The following EYS variants were observed in gnomAD, a reference collection of about 807,000 sequenced individuals.
EYS encodes the protein protein eyes shut homolog.
Under a neutral mutation model 282.1 loss-of-function variants are expected in EYS, and 250 were observed. The ratio of observed to expected loss-of-function variants is 0.89; its 90% CI spans 0.80 to 0.98. The LOEUF (loss-of-function observed/expected upper bound fraction) is 0.98, where lower values mean the gene tolerates loss of function less well. EYS is among the 50% of genes least tolerant of loss of function. The pLI is 0.00. For missense variants in EYS, 4,016 were observed against 3,709.0 expected (o/e 1.08, Z -2.15); for synonymous variants, 1,355 against 1,282.9 (o/e 1.06, Z -1.20).
intron 12 of EYS, among the ~76,000 whole-genome samples, chr6:65,098,854 A>G (rs1270233024): frequency 1.3e-5 from 2 of 150,796 alleles, no homozygotes; most frequent in African/African-American, 4.8e-5. Context: ...TCCTATAAAC[A>G]AAAGGAAGCT....
At chr6:64,993,993 C>A (rs1488913169) in intron 14 of EYS, among the ~76,000 whole-genome samples, 3 of 150,572 alleles carry the variant, frequency 2.0e-5, no homozygotes, top group Admixed American at 6.6e-5. Flanking sequence ...CTGCTGTTAT[C>A]AAAAATAAGC....
chr6:64,455,211 C>A (rs1384729037), intron 26 of EYS, among the ~76,000 whole-genome samples: 3 of 152,022 alleles, frequency 2.0e-5, no homozygotes, highest in Non-Finnish European at 4.4e-5. Flanking sequence ...CCACCACACC[C>A]AAACACGTTT....
chr6:64,420,695 AC>A (rs1375032594), intron 28 of EYS, among the ~76,000 whole-genome samples: 1 of 152,010 alleles, frequency 6.6e-6, no homozygotes, highest in African/African-American at 2.4e-5. Context: ...TCTGCCAGAT[AC>A]CCTAAATCAT....
chr6:65,184,790 T>C (rs1765477248), intron 12 of EYS, among the ~76,000 whole-genome samples: 1 of 151,668 alleles, frequency 6.6e-6, no homozygotes, highest in Non-Finnish European at 1.5e-5. Context: ...GCTTCACAAA[T>C]ATAAAACCTC....
chr6:65,387,110 ATCTT>A (rs1470541113), intron 7 of EYS, among the ~76,000 whole-genome samples: 6 of 152,004 alleles, frequency 3.9e-5, no homozygotes, highest in Non-Finnish European at 7.4e-5. Context: ...TGATTTAAAT[ATCTT>A]TCTATTATTA....
intron 2 of EYS, among the ~76,000 whole-genome samples, chr6:65,615,162 T>A (rs2149797229): frequency 6.6e-6 from 1 of 152,260 alleles, no homozygotes; most frequent in Admixed American, 6.5e-5. Context: ...TTTAAAATAC[T>A]TTGCAAATTA....
intron 28 of EYS, among the ~76,000 whole-genome samples, chr6:64,410,523 T>C (rs143935455): frequency 2.0e-5 from 3 of 152,140 alleles, no homozygotes; most frequent in Admixed American, 1.3e-4. Flanking sequence ...ACAATCTTAG[T>C]TGGATTTAAA....
intron 35 of EYS, among the ~76,000 whole-genome samples, chr6:63,923,504 C>T (rs1764629791): frequency 6.6e-6 from 1 of 151,974 alleles, no homozygotes; most frequent in African/African-American, 2.4e-5. Flanking sequence ...CCTACTTAAG[C>T]CTTTGATACT....
At chr6:65,368,165 C>G (rs542416945) in intron 8 of EYS, among the ~76,000 whole-genome samples, 5 of 151,698 alleles carry the variant, frequency 3.3e-5, no homozygotes, top group Non-Finnish European at 5.9e-5. Flanking sequence ...ATCAGAAGAA[C>G]AGCAGCATGG....
At chr6:64,250,356 T>C (rs577739257) in intron 30 of EYS, among the ~76,000 whole-genome samples, 1 of 152,284 alleles carries the variant, frequency 6.6e-6, no homozygotes, top group South Asian at 2.1e-4. Context: ...AATACCATTT[T>C]TCACCTGGGG....
At position 64,401,341 on chromosome 6, in the gene EYS, T is replaced by C. The variant is rs140607742; in HGVS notation, c.5928-12501A>G. Among the ~76,000 whole-genome samples, 408 of 152,250 alleles carry C rather than the reference T, an allele frequency of 2.7e-3. 3 individuals carry two copies. Among genetic ancestry groups the C allele is most frequent in the Middle Eastern group, 0.024 (7 of 294 alleles). On this transcript the variant is annotated intron_variant, in intron 28 of 42. Coordinates refer to ENST00000503581, the MANE Select transcript of EYS (RefSeq NM_001142800.2). ...TATAAAACCTGAGTATGTGTGTATC[T>C]ACTTTGTTGTTTATCACATTTGCAT... is the stretch of plus-strand genomic sequence containing the variant.
At chr6:64,030,665 T>C (rs530452839) in intron 33 of EYS, among the ~76,000 whole-genome samples, 1 of 152,328 alleles carries the variant, frequency 6.6e-6, no homozygotes, top group South Asian at 2.1e-4. Flanking sequence ...GCTTCTCCCT[T>C]TTCTAGGTCC....
intron 7 of EYS, among the ~76,000 whole-genome samples, chr6:65,386,408 T>TA (rs1455124682): frequency 6.6e-6 from 1 of 150,926 alleles, no homozygotes; most frequent in African/African-American, 2.4e-5. Context: ...ACTTTAAAGT[T>TA]TTTTTTTTCA....
chr6:65,664,657 C>G (rs1397899795), intron 1 of EYS, among the ~76,000 whole-genome samples: 1 of 152,050 alleles, frequency 6.6e-6, no homozygotes, highest in Non-Finnish European at 1.5e-5. Context: ...TGAAATTTCT[C>G]CACTTATAAA....
At chr6:64,073,186 G>A (rs1348515063) in intron 32 of EYS, among the ~76,000 whole-genome samples, 1 of 151,730 alleles carries the variant, frequency 6.6e-6, no homozygotes, top group Non-Finnish European at 1.5e-5. Flanking sequence ...TATATTAACA[G>A]GTTTTAATTT....
chr6:64,754,663 C>T (rs1483659890), intron 22 of EYS, among the ~76,000 whole-genome samples: 1 of 152,050 alleles, frequency 6.6e-6, no homozygotes, highest in African/African-American at 2.4e-5. Flanking sequence ...ATTCCAGTTA[C>T]AGAAAGATGG....
intron 31 of EYS, among the ~76,000 whole-genome samples, chr6:64,203,645 G>T (rs1765536157): frequency 6.6e-6 from 1 of 152,028 alleles, no homozygotes; most frequent in South Asian, 2.1e-4. Context: ...GCTAATAGGA[G>T]ATGGAAAAAG....
intron 19 of EYS, among the ~76,000 whole-genome samples, chr6:64,864,409 C>CTTTTT (rs1766354141): frequency 4.9e-5 from 1 of 20,542 alleles, no homozygotes; most frequent in Admixed American, 6.8e-4. Context: ...TTTTTTTTGA[C>CTTTTT]AGAATCTTGC....
intron 12 of EYS, among the ~76,000 whole-genome samples, chr6:65,118,400 C>T (rs1184389137): frequency 1.3e-5 from 2 of 152,190 alleles, no homozygotes; most frequent in African/African-American, 4.8e-5. Flanking sequence ...AAGTTAAATA[C>T]TTCTCTTGTT....
Sources: gnomAD v4.1 joint callset for allele counts (sites outside exome capture counted in the v4.1 genomes callset) on GRCh38, gnomAD v4.1.1 for gene constraint, MANE v1.5 for transcripts, NCBI Gene and HGNC (gene_info 2026-07-23, HGNC 2026-07-21) for gene names.